Variants in TSEN2 observed in about 807,000 individuals in gnomAD.
TSEN2 encodes tRNA-splicing endonuclease subunit Sen2.
A neutral mutation model predicts 59.2 loss-of-function variants in TSEN2; 54 were observed. The ratio of observed to expected loss-of-function variants is 0.91; its 90% CI spans 0.73 to 1.14. TSEN2 has a LOEUF of 1.14. TSEN2 is among the 50% of genes most tolerant of loss of function. The pLI, the probability that TSEN2 is intolerant of heterozygous loss-of-function variation, is 0.00. For missense variants in TSEN2, 636 were observed against 576.2 expected (o/e 1.10, Z -1.06); for synonymous variants, 195 against 198.2 (o/e 0.98, Z 0.14).
At chr3:12,524,495 G>GTC (rs1168239817) in intron 8 of TSEN2, among the ~76,000 whole-genome samples, 1 of 152,100 alleles carries the variant, frequency 6.6e-6, no homozygotes, top group Non-Finnish European at 1.5e-5. Flanking sequence ...CATCCCTCCA[G>GTC]TCTCTACCTT....
chr3:12,503,183 C>G, intron 4 of TSEN2, 79 bp from the exon 5 acceptor site: 1 of 1,543,004 alleles, frequency 6.5e-7, no homozygotes, highest in South Asian at 1.1e-5. Flanking sequence ...GTGTCACCTT[C>G]CAGTCTGTTT....
chr3:12,523,178 A>C (rs1373851446), intron 8 of TSEN2, among the ~76,000 whole-genome samples: 1 of 152,114 alleles, frequency 6.6e-6, no homozygotes, highest in African/African-American at 2.4e-5. Flanking sequence ...CGCAGGATTT[A>C]TATTGTCTTA....
chr3:12,500,640 C>T (rs916152500), intron 4 of TSEN2, among the ~76,000 whole-genome samples: 1 of 152,188 alleles, frequency 6.6e-6, no homozygotes, highest in Non-Finnish European at 1.5e-5. Context: ...CAAGCCACTC[C>T]TAAAAACTCC....
At chr3:12,493,895 G>A (rs778279774) in intron 3 of TSEN2, among the ~76,000 whole-genome samples, 3 of 152,078 alleles carry the variant, frequency 2.0e-5, no homozygotes, top group South Asian at 2.1e-4. Context: ...TTAAGAAACC[G>A]TTGCCAAGTC....
At chr3:12,499,148 C>T (rs997700569) in intron 4 of TSEN2, among the ~76,000 whole-genome samples, 1 of 152,182 alleles carries the variant, frequency 6.6e-6, no homozygotes, top group African/African-American at 2.4e-5. Context: ...TAATAGTCGT[C>T]CTTGGATAAA....
chr3:12,516,715 CA>C, intron 7 of TSEN2, 54 bp downstream of exon 7: 1 of 1,498,386 alleles, frequency 6.7e-7, no homozygotes, highest in Non-Finnish European at 9.3e-7. Context: ...TTGTTAAAAG[CA>C]GGTTGTACTA....
At chr3:12,482,359 G>C (rs2052202551), upstream of TSEN2, among the ~76,000 whole-genome samples, 1 of 152,084 alleles carries the variant, frequency 6.6e-6, no homozygotes, top group Non-Finnish European at 1.5e-5. Flanking sequence ...AACCTCAGGT[G>C]ATCCACCCGC....
chr3:12,522,296 T>C (rs2056709718), intron 8 of TSEN2, among the ~76,000 whole-genome samples: 1 of 152,188 alleles, frequency 6.6e-6, no homozygotes, highest in African/African-American at 2.4e-5. Context: ...ACAAAAAAGA[T>C]AAACTACTCA....
chr3:12,512,300 A>G (rs1019455953), intron 6 of TSEN2, among the ~76,000 whole-genome samples: 6 of 152,222 alleles, frequency 3.9e-5, no homozygotes, highest in Non-Finnish European at 8.8e-5. Flanking sequence ...AATGTTTTTT[A>G]TGGGCAGTTT....
downstream of TSEN2, among the ~76,000 whole-genome samples, chr3:12,538,508 G>T (rs570183897): frequency 6.6e-6 from 1 of 152,254 alleles, no homozygotes; most frequent in African/African-American, 2.4e-5. Context: ...GGAACTGGGT[G>T]TTGGATCCAT....
At chr3:12,535,847 G>C (rs2057662497), downstream of TSEN2, among the ~76,000 whole-genome samples, 1 of 152,170 alleles carries the variant, frequency 6.6e-6, no homozygotes, top group African/African-American at 2.4e-5. Context: ...AGTAGAATCA[G>C]AAAACTCGGG....
chr3:12,529,880 C>T lies in TSEN2; in HGVS notation c.1248+7C>T. The stretch of plus-strand genomic sequence containing the variant: ...TTCCGTTAATGTCTCTAAGGTAACA[C>T]AACATCAGCTTTGCCATTGGAGTGT... On this transcript the variant is annotated splice_region_variant and intron_variant, in intron 10 of 11. Coordinates refer to ENST00000284995, the MANE Select transcript of TSEN2 (RefSeq NM_025265.4). 2.5e-6 allele frequency: 4 copies of T among 1,613,528 alleles called. No individual in the cohort carries two copies. Among genetic ancestry groups the T allele is most frequent in the Non-Finnish European group, 3.4e-6 (4 of 1,179,872 alleles).
intron 8 of TSEN2, among the ~76,000 whole-genome samples, chr3:12,525,119 G>C (rs1409933859): frequency 2.0e-5 from 3 of 152,056 alleles, no homozygotes; most frequent in African/African-American, 7.2e-5. Context: ...AGTCTTTTAG[G>C]ATGTTCCCCA....
chr3:12,502,678 TTTTTTTTTTTG>T (rs1393400555), intron 4 of TSEN2, among the ~76,000 whole-genome samples: 21 of 132,072 alleles, frequency 1.6e-4, no homozygotes, highest in African/African-American at 3.7e-4. Context: ...GTTTTTTTTG[TTTTTTTTTTTG>T]TTTTTTTTTT....
chr3:12,503,491 T>C lies in TSEN2; in HGVS notation c.538T>C (p.Ser180Pro), dbSNP rs1224222325. 6.2e-7 allele frequency: 1 copy of C among 1,613,912 alleles called. No individual in the cohort carries two copies. Among genetic ancestry groups the C allele is most frequent in the African/African-American group, 1.3e-5 (1 of 74,866 alleles). Residue 180 changes from serine to proline, a missense_variant, in exon 5 of 12, where the codon TCA becomes CCA. Physicochemically the swap from Ser to Pro is moderately conservative, Grantham distance 74. Coordinates refer to ENST00000284995, the MANE Select transcript of TSEN2 (RefSeq NM_025265.4). Reference sequence around the variant, plus strand: ...TGTGGTAAACGGGGACTCTGGAAAGTCAGGTGGTGTGGGTGATCCCCGTGA... The same window carrying C: ...TGTGGTAAACGGGGACTCTGGAAAGCCAGGTGGTGTGGGTGATCCCCGTGA... ...PSVVNGDSGK[S>P]GGVGDPREPL...
chr3:12,496,273 A>T (rs1344418284), intron 3 of TSEN2, among the ~76,000 whole-genome samples: 1 of 152,228 alleles, frequency 6.6e-6, no homozygotes, highest in African/African-American at 2.4e-5. Context: ...CCCTGAGTTG[A>T]GAAGAATTCT....
At chr3:12,483,816 T>C (rs375661247), upstream of TSEN2, among the ~76,000 whole-genome samples, 16 of 152,326 alleles carry the variant, frequency 1.1e-4, 1 homozygote, top group Admixed American at 7.8e-4. Context: ...ACACTTCCTA[T>C]TGCACTCCAG....
chr3:12,498,231 T>C (rs1177118815), intron 4 of TSEN2, among the ~76,000 whole-genome samples: 1 of 152,216 alleles, frequency 6.6e-6, no homozygotes, highest in African/African-American at 2.4e-5. Flanking sequence ...TAAAGTCATA[T>C]TCGCAGGTAC....
chr3:12,524,227 G>T (rs1394298996), intron 8 of TSEN2, among the ~76,000 whole-genome samples: 2 of 152,172 alleles, frequency 1.3e-5, no homozygotes, highest in African/African-American at 4.8e-5. Flanking sequence ...CACCATGCAG[G>T]CCCCTGGCTT....
Sources: gnomAD v4.1 joint callset for allele counts (sites outside exome capture counted in the v4.1 genomes callset) on GRCh38, gnomAD v4.1.1 for gene constraint, MANE v1.5 for transcripts, NCBI Gene and HGNC (gene_info 2026-07-23, HGNC 2026-07-21) for gene names.